The following PSD3 variants were observed in gnomAD, a reference collection of about 807,000 sequenced individuals.
PSD3 encodes pleckstrin and Sec7 domain containing 3.
Under a neutral mutation model 105.5 loss-of-function variants are expected in PSD3, and 49 were observed. That is an observed-to-expected ratio of 0.46 (90% confidence interval 0.37 to 0.59). The LOEUF (loss-of-function observed/expected upper bound fraction) is 0.59, where lower values mean the gene tolerates loss of function less well. PSD3 is among the 20% of genes least tolerant of loss of function. The probability of loss-of-function intolerance (pLI) is 0.00; values close to 1 mark genes in which losing one functional copy is unlikely to be tolerated. For synonymous variants in PSD3, 557 were observed against 457.8 expected (o/e 1.22, Z -2.77); for missense variants, 1,561 against 1,263.8 (o/e 1.24, Z -3.57).
rs5889837 is a variant in PSD3 at position 18,935,511 on chromosome 8, TAA to T, written c.130+521_130+522del. 2.5e-3 allele frequency among the ~76,000 whole-genome samples: 341 copies of T among 138,016 alleles called. 2 individuals are homozygous for T. Among genetic ancestry groups the T allele is most frequent in the Middle Eastern group, 0.011 (3 of 280 alleles). The allele number at this position is 138,016 out of a possible 152,430, so 90.5% of individuals were successfully genotyped here. ...GGTAGCATAGCCAGACCCTGTCTCT[TAA>T]AAAAAAAAAAAAAAGAAAAAAAGTA... On this transcript the variant is annotated intron_variant, in intron 2 of 15. Transcript: ENST00000327040.
intron 10 of PSD3, among the ~76,000 whole-genome samples, chr8:18,652,369 A>AG (rs1808554155): frequency 6.6e-6 from 1 of 152,110 alleles, no homozygotes; most frequent in African/African-American, 2.4e-5. Context: ...TCTAACGCTA[A>AG]GGGATAATAT....
intron 1 of PSD3, among the ~76,000 whole-genome samples, chr8:19,072,187 C>T (rs971492613): frequency 6.6e-6 from 1 of 151,838 alleles, no homozygotes; most frequent in East Asian, 1.9e-4. Flanking sequence ...CTGCAGCCTC[C>T]ACCTCCTGGG....
intron 4 of PSD3, 54 bp from the exon 5 acceptor site, chr8:18,804,952 G>A (rs1041273958): frequency 1.5e-6 from 2 of 1,363,762 alleles, no homozygotes; most frequent in African/African-American, 2.9e-5. Flanking sequence ...ATGGCAAAAA[G>A]GAAAATATCT....
chr8:18,939,709 T>TA (rs1462898695), intron 1 of PSD3, among the ~76,000 whole-genome samples: 1 of 152,196 alleles, frequency 6.6e-6, no homozygotes. Context: ...TGTATGCATT[T>TA]AAAATGCACT....
At chr8:18,618,680 A>AT (rs141475612) in intron 11 of PSD3, among the ~76,000 whole-genome samples, 23 of 148,542 alleles carry the variant, frequency 1.5e-4, no homozygotes, top group African/African-American at 2.2e-4. Flanking sequence ...AGGTTTTTGC[A>AT]TTTTTTTTTT....
intron 14 of PSD3, among the ~76,000 whole-genome samples, chr8:18,563,347 T>A (rs1168306934): frequency 2.0e-5 from 3 of 152,168 alleles, no homozygotes; most frequent in Admixed American, 2.0e-4. Flanking sequence ...AAATAGATTT[T>A]TTTTTTTAAG....
At chr8:19,034,085 A>C (rs1827866005) in intron 1 of PSD3, among the ~76,000 whole-genome samples, 1 of 152,218 alleles carries the variant, frequency 6.6e-6, no homozygotes, top group Non-Finnish European at 1.5e-5. Flanking sequence ...GTTGAGAAAA[A>C]AATCTCTATT....
intron 9 of PSD3, among the ~76,000 whole-genome samples, chr8:18,715,374 G>T (rs1802518150): frequency 6.6e-6 from 1 of 152,188 alleles, no homozygotes; most frequent in Non-Finnish European, 1.5e-5. Flanking sequence ...AGATTAAGCA[G>T]ATCTAAGAAA....
intron 9 of PSD3, among the ~76,000 whole-genome samples, chr8:18,729,908 C>G (rs914228818): frequency 1.3e-5 from 2 of 152,146 alleles, no homozygotes; most frequent in African/African-American, 4.8e-5. Flanking sequence ...CATTTCTACC[C>G]AGTAAAAACT....
intron 1 of PSD3, among the ~76,000 whole-genome samples, chr8:18,999,336 A>C (rs766891325): frequency 6.6e-6 from 1 of 151,852 alleles, no homozygotes; most frequent in Non-Finnish European, 1.5e-5. Context: ...CCTGCTGCTC[A>C]CAGCTGGTGA....
At chr8:18,940,514 C>T (rs1586482464) in intron 1 of PSD3, 1 of 152,154 alleles carries the variant, frequency 6.6e-6, no homozygotes, top group Non-Finnish European at 1.5e-5. Context: ...CTAAAGGGCT[C>T]TGCTTAATAA....
Position 18,601,312 on chromosome 8 carries a change from G to C in PSD3, c.2411-878C>G, listed in dbSNP as rs545919493. 1.1e-4 allele frequency among the ~76,000 whole-genome samples: 17 copies of C among 152,250 alleles called. 1 individual carries two copies. The South Asian group carries it at 1.5e-3, about 13-fold the overall frequency. On this transcript the variant is annotated intron_variant, in intron 11 of 15. Transcript: ENST00000327040. Reference sequence around the variant, plus strand: ...CAATTAAAATCTATAACTGGAAAATGTTATTGCTTGAATATCATTTTTCTA... The same window carrying C: ...CAATTAAAATCTATAACTGGAAAATCTTATTGCTTGAATATCATTTTTCTA...
At chr8:18,556,475 C>T (rs1257611073) in intron 14 of PSD3, 123 bp from the exon 15 acceptor site, 8 of 935,176 alleles carry the variant, frequency 8.6e-6, no homozygotes, top group Non-Finnish European at 1.3e-5. Flanking sequence ...CCCAATGTGC[C>T]TCTGCTGCCA....
chr8:18,787,855 G>C (rs1208447034), intron 8 of PSD3, among the ~76,000 whole-genome samples: 11 of 152,122 alleles, frequency 7.2e-5, no homozygotes, highest in Non-Finnish European at 1.6e-4. Context: ...TAAAGAATTT[G>C]GGGAAACAAG....
At chr8:18,543,625 A>C (rs1280364989) in intron 15 of PSD3, among the ~76,000 whole-genome samples, 1 of 147,342 alleles carries the variant, frequency 6.8e-6, no homozygotes, top group East Asian at 1.9e-4. Context: ...CTCAAAAACA[A>C]AAAAAAAAAC....
At chr8:18,815,947 A>G (rs1164455467) in intron 4 of PSD3, among the ~76,000 whole-genome samples, 2 of 152,152 alleles carry the variant, frequency 1.3e-5, no homozygotes, top group South Asian at 2.1e-4. Flanking sequence ...CAATGTTAAA[A>G]AAGAGGAAAG....
intron 1 of PSD3, among the ~76,000 whole-genome samples, chr8:18,950,795 G>A: frequency 6.6e-6 from 1 of 152,012 alleles, no homozygotes. Flanking sequence ...GGAACATCAG[G>A]TTGTTCCCTG....
intron 11 of PSD3, among the ~76,000 whole-genome samples, chr8:18,617,621 C>T (rs57072671): frequency 0.18 from 27,626 of 152,116 alleles, 2,616 homozygotes; most frequent in Non-Finnish European, 0.22. Flanking sequence ...TGAATGAACC[C>T]TACTCTTGGT....
At chr8:18,876,819 T>C (rs1490983460) in intron 2 of PSD3, among the ~76,000 whole-genome samples, 1 of 152,224 alleles carries the variant, frequency 6.6e-6, no homozygotes, top group Non-Finnish European at 1.5e-5. Context: ...AAATGCACTA[T>C]TTACATTCCT....
Sources: allele counts gnomAD v4.1 joint callset (sites outside exome capture counted in the v4.1 genomes callset), GRCh38; gene constraint gnomAD v4.1.1; transcripts MANE v1.5; gene names NCBI Gene and HGNC (gene_info 2026-07-23, HGNC 2026-07-21).